Variants in CRIP1 observed in about 807,000 individuals in gnomAD.
CRIP1 encodes cysteine-rich protein 1.
In CRIP1, 11 loss-of-function variants were observed where a neutral mutation model predicts 12.9. The ratio of observed to expected loss-of-function variants is 0.86; its 90% confidence interval spans 0.54 to 1.42. The LOEUF (loss-of-function observed/expected upper bound fraction) is 1.42. Among genes scored for constraint, CRIP1 ranks in the 40% most tolerant of loss-of-function variants. The probability of loss-of-function intolerance (pLI) is 0.00; values close to 1 mark genes in which losing one functional copy is unlikely to be tolerated. For missense variants in CRIP1, 122 were observed against 101.3 expected, an observed-to-expected ratio of 1.20 and a Z score of -0.88; for synonymous variants, 41 against 37.2, an observed-to-expected ratio of 1.10 and a Z score of -0.37.
In CRIP1 at chr14:105,488,796, T is replaced by A. The variant is rs2084154889; in HGVS notation, c.*139T>A. ...AACCTGAACACTTGGAAAACCTGTGTGTGTACATGCGCGTGTGTGCTGGGG... is the reference window on the plus strand; with the variant it reads ...AACCTGAACACTTGGAAAACCTGTGAGTGTACATGCGCGTGTGTGCTGGGG... On this transcript the variant is annotated 3_prime_UTR_variant, in exon 6 of 6. Coordinates refer to ENST00000392531, the MANE Select transcript of CRIP1 (RefSeq NM_001311.5). 3.8e-6 allele frequency: 2 copies of A among 531,648 alleles called. No homozygotes were observed. Among genetic ancestry groups the A allele is most frequent in the Non-Finnish European group, 6.7e-6 (2 of 297,380 alleles). The allele number at this position is 531,648 out of a possible 1,614,324, so 32.9% of individuals were successfully genotyped here.
chr14:105,487,874 C>T (rs1020117361), intron 2 of CRIP1: 1 of 461,442 alleles, frequency 2.2e-6, no homozygotes, highest in South Asian at 2.6e-5. Flanking sequence ...CCCTGACCCT[C>T]GGCCTCGCCC....
chr14:105,488,134 C>G, intron 2 of CRIP1, 32 bp from the exon 3 acceptor site: 1 of 1,598,726 alleles, frequency 6.3e-7, no homozygotes, highest in Non-Finnish European at 8.5e-7. Flanking sequence ...CGTCCTGCAG[C>G]GTCTCACCGG....
In CRIP1 at chr14:105,488,402, A is replaced by G. The variant is rs7145303; in HGVS notation, c.193+14A>G. On this transcript the variant is annotated intron_variant, in intron 4 of 5. Coordinates refer to ENST00000392531, the MANE Select transcript of CRIP1 (RefSeq NM_001311.5). ...TTGGGCCTAAAGGTATGCTCCCGTC[A>G]TCCCCACCCCACCCCACCCCACAGC... 72,132 of 1,605,602 alleles carry G rather than the reference A, an allele frequency of 0.045. 11,219 individuals carry two copies. The African/African-American group carries it at 0.53, about 12-fold the overall frequency.
chr14:105,488,793 G>C lies in CRIP1; in HGVS notation c.*136G>C, dbSNP rs2084154857. The C allele has an allele frequency of 1.9e-6, 1 of 537,572 alleles. No homozygotes were observed. The highest frequency in any genetic ancestry group is 1.9e-5 in the African/African-American group (1 of 52,994). 33.3% of individuals were successfully genotyped at this position (537,572 alleles called of 1,614,324 possible). A position where few individuals can be genotyped will look rare whatever the true frequency, so the allele number is the denominator to read the frequency against. ...GTAAACCTGAACACTTGGAAAACCT[G>C]TGTGTGTACATGCGCGTGTGTGCTG... On this transcript the variant is annotated 3_prime_UTR_variant, in exon 6 of 6. Transcript: ENST00000392531.
rs1555438667 is a variant in CRIP1, at chr14:105,488,919, G to A, written c.*262G>A. Reference sequence around the variant, plus strand: ...GCCCTCCCCAGGGGGCCGTTCCAGGGTCTCATAGGCGAGGGCTCCCTGTGC... The same window carrying A: ...GCCCTCCCCAGGGGGCCGTTCCAGGATCTCATAGGCGAGGGCTCCCTGTGC... On this transcript the variant is annotated 3_prime_UTR_variant, in exon 6 of 6. Coordinates refer to ENST00000392531, the MANE Select transcript of CRIP1 (RefSeq NM_001311.5). 1 of 228,990 alleles carries A rather than the reference G, an allele frequency of 4.4e-6. No homozygotes were observed. Among genetic ancestry groups the A allele is most frequent in the Admixed American group, 5.0e-5 (1 of 19,868 alleles). The allele number at this position is 228,990 out of a possible 1,614,324, so 14.2% of individuals were successfully genotyped here.
intron 5 of CRIP1, 66 bp downstream of exon 5, chr14:105,488,582 CAGG>C: frequency 1.3e-6 from 2 of 1,514,670 alleles, no homozygotes; most frequent in Non-Finnish European, 1.8e-6. Flanking sequence ...TGCCCCCTCC[CAGG>C]GAGGCCTGAC....
chr14:105,487,913 G>T (rs1224436602), intron 2 of CRIP1: 4 of 532,342 alleles, frequency 7.5e-6, no homozygotes, highest in South Asian at 6.6e-5. Context: ...TCAGGAGCAA[G>T]ATTCCCGGCC....
chr14:105,487,128 G>T, intron 1 of CRIP1, 71 bp from the exon 2 acceptor site: 1 of 1,414,092 alleles, frequency 7.1e-7, no homozygotes, highest in South Asian at 1.5e-5. Context: ...GGCGGGGCGC[G>T]AGGGGCGGGG....
chr14:105,488,134 C>T (rs782640541), intron 2 of CRIP1, 32 bp from the exon 3 acceptor site: 9 of 1,598,608 alleles, frequency 5.6e-6, no homozygotes, highest in East Asian at 2.2e-5. Context: ...CGTCCTGCAG[C>T]GTCTCACCGG....
rs913216158 is a variant in CRIP1, at chr14:105,487,220, C to A, written c.-40C>A. Reference sequence around the variant, plus strand: ...CCAGTCTCGCGCCTGCAGCCCGTGCCGCCCCAGCCGCTGCCGCCTGCACCG... The same window carrying A: ...CCAGTCTCGCGCCTGCAGCCCGTGCAGCCCCAGCCGCTGCCGCCTGCACCG... On this transcript the variant is annotated 5_prime_UTR_variant, in exon 2 of 6. Transcript: ENST00000392531. 1.9e-6 allele frequency: 3 copies of A among 1,540,046 alleles called. No individual in the cohort carries two copies. In the African/African-American group the frequency reaches 4.2e-5, roughly 21 times the overall value.
At chr14:105,487,625 G>C (rs1364135415) in intron 2 of CRIP1, 5 of 296,826 alleles carry the variant, frequency 1.7e-5, no homozygotes, top group Non-Finnish European at 3.1e-5. Context: ...AGGAACGCGG[G>C]GCTGGGGCCG....
Position 105,487,539 on chromosome 14 carries a change from C to T in CRIP1, c.40+240C>T, listed in dbSNP as rs1595464012. Reference sequence around the variant, plus strand: ...CGGCGGGCTACCTCTGGCTCTGAGCCTCCCCGTCTCTGGGTCCTACGGTCT... The same window carrying T: ...CGGCGGGCTACCTCTGGCTCTGAGCTTCCCCGTCTCTGGGTCCTACGGTCT... On this transcript the variant is annotated intron_variant, in intron 2 of 5. Coordinates refer to ENST00000392531, the MANE Select transcript of CRIP1 (RefSeq NM_001311.5). 6.1e-6 allele frequency: 3 copies of T among 491,900 alleles called. No homozygotes were observed. In the East Asian group the frequency reaches 1.1e-4, roughly 18 times the overall value. 30.5% of individuals were successfully genotyped at this position (491,900 alleles called of 1,614,324 possible).
In CRIP1 at chr14:105,487,311, C is replaced by T. The variant is rs1555438245; in HGVS notation, c.40+12C>T. The T allele has an allele frequency of 1.9e-6, 3 of 1,539,604 alleles. No homozygotes were observed. Among genetic ancestry groups the T allele is most frequent in the South Asian group, 1.2e-5 (1 of 82,838 alleles). On this transcript the variant is annotated intron_variant, in intron 2 of 5. Coordinates refer to ENST00000392531, the MANE Select transcript of CRIP1 (RefSeq NM_001311.5). ...GGAGGTGTACTTCGGTGAGCGCGCCCACACCGGCCCCGCGAGGAGGCGCCG... is the reference window on the plus strand; with the variant it reads ...GGAGGTGTACTTCGGTGAGCGCGCCTACACCGGCCCCGCGAGGAGGCGCCG...
intron 2 of CRIP1, 46 bp from the exon 3 acceptor site, chr14:105,488,120 G>C: frequency 6.3e-7 from 1 of 1,576,002 alleles, no homozygotes; most frequent in South Asian, 1.1e-5. Context: ...GTGGGTAGGC[G>C]CCGCGTCCTG....
intron 2 of CRIP1, chr14:105,487,652 G>C (rs2084133600): frequency 4.0e-6 from 1 of 247,258 alleles, no homozygotes; most frequent in Non-Finnish European, 7.7e-6. Context: ...CCAGCGCTAA[G>C]TGGAAACAGA....
Position 105,487,274 on chromosome 14 carries a change from C to T in CRIP1, c.15C>T (p.Pro5=), listed in dbSNP as rs1462828333. The T allele has an allele frequency of 3.2e-6, 5 of 1,544,892 alleles. No individual in the cohort carries two copies. Among genetic ancestry groups the T allele is most frequent in the Non-Finnish European group, 3.5e-6 (4 of 1,144,782 alleles). Residue 5 remains proline (P), a synonymous_variant, in exon 2 of 6, where the codon CCC becomes CCT. Transcript: ENST00000392531. Reference sequence around the variant, plus strand: ...CCGGAGCCGTCATGCCCAAGTGTCCCAAGTGCAACAAGGAGGTGTACTTCG... The same window carrying T: ...CCGGAGCCGTCATGCCCAAGTGTCCTAAGTGCAACAAGGAGGTGTACTTCG... The part of the protein sequence containing the change: MPKC[P]KCNKEVYFAE...
rs900280641 is a variant in CRIP1, at chr14:105,487,265, C to G, written c.6C>G (p.Pro2=). M[P]KCPKCNKEVY... ...GCACCGGACCCGGAGCCGTCATGCC[C>G]AAGTGTCCCAAGTGCAACAAGGAGG... is the stretch of plus-strand genomic sequence containing the variant. Residue 2 remains proline, a synonymous_variant, in exon 2 of 6, where the codon CCC becomes CCG. Coordinates refer to ENST00000392531, the MANE Select transcript of CRIP1 (RefSeq NM_001311.5). 6.5e-7 allele frequency: 1 copy of G among 1,544,422 alleles called. No individual in the cohort carries two copies. Among genetic ancestry groups the G allele is most frequent in the African/African-American group, 1.4e-5 (1 of 72,346 alleles).
chr14:105,487,027 T>G, intron 1 of CRIP1, 55 bp downstream of exon 1: 3 of 1,347,588 alleles, frequency 2.2e-6, no homozygotes, highest in Non-Finnish European at 2.9e-6. Context: ...CAGGCCCGGG[T>G]CCTGCCTGAA....
intron 2 of CRIP1, chr14:105,487,907 G>C (rs1262926173): frequency 3.8e-6 from 2 of 525,362 alleles, no homozygotes; most frequent in African/African-American, 3.8e-5. Flanking sequence ...CAGCCTTCAG[G>C]AGCAAGATTC....
Sources: gnomAD v4.1 joint callset for allele counts on GRCh38, gnomAD v4.1.1 for gene constraint, MANE v1.5 for transcripts, NCBI Gene and HGNC (gene_info 2026-07-23, HGNC 2026-07-21) for gene names.